The following ZNF521 variants were observed in gnomAD, a reference collection of about 807,000 sequenced individuals.
ZNF521 encodes zinc finger protein 521.
In ZNF521, 14 loss-of-function variants were observed where a neutral mutation model predicts 105.5. That is an observed-to-expected ratio of 0.13 (90% CI 0.09 to 0.21). ZNF521 has a LOEUF of 0.21. Ranked by LOEUF, ZNF521 falls within the 10% of genes least tolerant of loss-of-function variation. The pLI is 1.00. For synonymous variants in ZNF521, 635 were observed against 606.0 expected (o/e 1.05, Z -0.70); for missense variants, 1,233 against 1,629.7 (o/e 0.76, Z 4.19).
intron 6 of ZNF521, among the ~76,000 whole-genome samples, 188 bp downstream of exon 6, chr18:25,091,762 T>C (rs2033751783): frequency 6.6e-6 from 1 of 152,230 alleles, no homozygotes. Flanking sequence ...TTAACCTTCC[T>C]GCTCATGTGA....
At chr18:25,349,315 T>C (rs1349538392) in intron 2 of ZNF521, among the ~76,000 whole-genome samples, 1 of 152,134 alleles carries the variant, frequency 6.6e-6, no homozygotes, top group Non-Finnish European at 1.5e-5. Flanking sequence ...CCCGTGGCGT[T>C]TCTTTTTTCA....
At chr18:25,155,112 T>C (rs2035119025) in intron 5 of ZNF521, among the ~76,000 whole-genome samples, 1 of 152,114 alleles carries the variant, frequency 6.6e-6, no homozygotes. Context: ...CTCATAGTGG[T>C]TTTGATTTGC....
At chr18:25,266,152 AAACTT>A (rs1342761007) in intron 3 of ZNF521, among the ~76,000 whole-genome samples, 1 of 152,156 alleles carries the variant, frequency 6.6e-6, no homozygotes, top group African/African-American at 2.4e-5. Flanking sequence ...TAGTCAATAA[AAACTT>A]AACTGTATAT....
At chr18:25,138,790 G>A (rs1362226804) in intron 5 of ZNF521, among the ~76,000 whole-genome samples, 1 of 152,074 alleles carries the variant, frequency 6.6e-6, no homozygotes, top group Non-Finnish European at 1.5e-5. Flanking sequence ...GAACTGGCTT[G>A]GCCTCATTTC....
intron 5 of ZNF521, 48 bp downstream of exon 5, chr18:25,195,112 C>A: frequency 7.3e-7 from 1 of 1,368,710 alleles, no homozygotes; most frequent in Non-Finnish European, 1.0e-6. Flanking sequence ...GTGATATACA[C>A]AAGCAGAAGA....
chr18:25,080,392 C>G (rs1475233326), intron 7 of ZNF521, among the ~76,000 whole-genome samples: 1 of 152,184 alleles, frequency 6.6e-6, no homozygotes, highest in Non-Finnish European at 1.5e-5. Context: ...TTTTACAGAA[C>G]ACTACTCTCT....
intron 5 of ZNF521, among the ~76,000 whole-genome samples, chr18:25,110,609 T>C (rs2034168062): frequency 6.6e-6 from 1 of 152,002 alleles, no homozygotes; most frequent in Non-Finnish European, 1.5e-5. Flanking sequence ...CAAAGAGATC[T>C]TTTCAAATTC....
intron 5 of ZNF521, among the ~76,000 whole-genome samples, chr18:25,102,976 C>G (rs116796533): frequency 6.6e-6 from 1 of 152,082 alleles, no homozygotes; most frequent in Non-Finnish European, 1.5e-5. Flanking sequence ...CACCTCATCC[C>G]CCTATGTCTT....
At chr18:25,166,755 C>T (rs1027857780) in intron 5 of ZNF521, among the ~76,000 whole-genome samples, 1 of 152,126 alleles carries the variant, frequency 6.6e-6, no homozygotes, top group East Asian at 1.9e-4. Flanking sequence ...TATAACTAGA[C>T]AATTGGCAGA....
In ZNF521 at chr18:25,224,799, G is replaced by A. The variant is rs1241017627; in HGVS notation, c.3119C>T (p.Thr1040Met). Residue 1040 changes from threonine (T) to methionine (M), a missense_variant, in exon 4 of 8, where the codon ACG becomes ATG. This residue lies in a region of ZNF521 where 614 missense variants were observed against 751.5 expected (regional missense o/e 0.82). Transcript: ENST00000361524. The stretch of plus-strand genomic sequence containing the variant: ...ATTCCCTGTCTTTTGCATGTGGAAC[G>A]TCCCATGGATTTTGAGTTCCAAGGT... ...TSTLELKIHGTFHMQKTGNGS... is the reference protein window; with the variant it reads ...TSTLELKIHGMFHMQKTGNGS... 3.1e-6 allele frequency: 5 copies of A among 1,614,036 alleles called. No individual in the cohort carries two copies. The highest frequency in any genetic ancestry group is 1.1e-5 in the South Asian group (1 of 91,074).
chr18:25,095,441 T>C (rs1224420005), intron 5 of ZNF521, among the ~76,000 whole-genome samples: 1 of 152,206 alleles, frequency 6.6e-6, no homozygotes, highest in African/African-American at 2.4e-5. Context: ...ACCATTACAA[T>C]ATTCCATTAA....
intron 5 of ZNF521, among the ~76,000 whole-genome samples, chr18:25,115,966 G>A (rs1159303660): frequency 1.3e-5 from 2 of 152,208 alleles, no homozygotes; most frequent in African/African-American, 2.4e-5. Flanking sequence ...ATTCAAAGCA[G>A]TATATTAATA....
chr18:25,203,539 C>T (rs972117976), intron 4 of ZNF521, among the ~76,000 whole-genome samples: 12 of 152,080 alleles, frequency 7.9e-5, no homozygotes, highest in African/African-American at 2.4e-4. Context: ...ATCACTTGAG[C>T]TCAGGAGTTT....
At position 25,179,116 on chromosome 18, in the gene ZNF521, C is replaced by CTTTTTTTTTTTTTTTTTTTTT. The variant is rs1175859497; in HGVS notation, c.3658+16023_3658+16043dup. Among the ~76,000 whole-genome samples, 15 of 52,440 alleles carry CTTTTTTTTTTTTTTTTTTTTT rather than the reference C, an allele frequency of 2.9e-4. 3 individuals are homozygous for CTTTTTTTTTTTTTTTTTTTTT. Among genetic ancestry groups the CTTTTTTTTTTTTTTTTTTTTT allele is most frequent in the Non-Finnish European group, 4.1e-4 (12 of 28,970 alleles). 34.4% of individuals were successfully genotyped at this position (52,440 alleles called of 152,430 possible). On this transcript the variant is annotated intron_variant, in intron 5 of 7. Coordinates refer to ENST00000361524, the MANE Select transcript of ZNF521 (RefSeq NM_015461.3). The stretch of plus-strand genomic sequence containing the variant: ...GACTTATACTTCTTTTTCTTTATTC[C>CTTTTTTTTTTTTTTTTTTTTT]TTTTTTTTTTTTTTTTTTTTTTTTT...
intron 5 of ZNF521, among the ~76,000 whole-genome samples, chr18:25,167,256 G>A (rs1448533296): frequency 6.6e-6 from 1 of 152,104 alleles, no homozygotes; most frequent in East Asian, 1.9e-4. Context: ...ACATTTCTGT[G>A]GGCTGCTTGT....
chr18:25,203,094 T>C (rs563808548), intron 4 of ZNF521, among the ~76,000 whole-genome samples: 1 of 152,244 alleles, frequency 6.6e-6, no homozygotes, highest in East Asian at 1.9e-4. Flanking sequence ...GGCATTACAA[T>C]GTGATTGGGG....
intron 3 of ZNF521, among the ~76,000 whole-genome samples, chr18:25,282,412 T>C (rs577681749): frequency 6.6e-6 from 1 of 152,272 alleles, no homozygotes; most frequent in East Asian, 1.9e-4. Context: ...AAGTGCAGGC[T>C]AGTCCTTCAC....
At chr18:25,204,254 T>G (rs993090369) in intron 4 of ZNF521, among the ~76,000 whole-genome samples, 5 of 152,218 alleles carry the variant, frequency 3.3e-5, no homozygotes, top group Non-Finnish European at 7.3e-5. Flanking sequence ...AGATATAAAT[T>G]TAAGCTACTA....
intron 4 of ZNF521, among the ~76,000 whole-genome samples, chr18:25,213,301 T>G (rs1187222584): frequency 6.6e-6 from 1 of 150,580 alleles, no homozygotes; most frequent in Non-Finnish European, 1.5e-5. Context: ...TTTTAAAAAG[T>G]TTTTATTAGG....
Sources: gnomAD v4.1 joint callset for allele counts (sites outside exome capture counted in the v4.1 genomes callset) on GRCh38, gnomAD v4.1.1 for gene constraint, gnomAD v4.1.1 regional missense constraint, MANE v1.5 for transcripts, NCBI Gene and HGNC (gene_info 2026-07-23, HGNC 2026-07-21) for gene names.